RPAP3: variants seen among roughly 807,000 people sequenced by gnomAD.
The protein encoded by RPAP3 is RNA polymerase II-associated protein 3.
In RPAP3, 58 loss-of-function variants were observed where a neutral mutation model predicts 88.8. That is an observed-to-expected ratio of 0.65 (90% CI 0.53 to 0.81). RPAP3 has a LOEUF of 0.81. Ranked by LOEUF, RPAP3 falls within the 40% of genes least tolerant of loss-of-function variation. RPAP3 has a pLI of 0.00. For missense variants in RPAP3, 751 were observed against 764.3 expected (o/e 0.98, Z 0.20); for synonymous variants, 255 against 259.9 (o/e 0.98, Z 0.18).
rs576889119 is a variant in RPAP3 at position 47,683,748 on chromosome 12, C to T, written c.993-1931G>A. ...AAAAATAGAATAAAAATGGTGAGTGCGAAAAACTATCATCTCTGCCTAGCT... is the reference window on the plus strand; with the variant it reads ...AAAAATAGAATAAAAATGGTGAGTGTGAAAAACTATCATCTCTGCCTAGCT... On this transcript the variant is annotated intron_variant, in intron 9 of 16. Transcript: ENST00000005386. 7.9e-5 allele frequency among the ~76,000 whole-genome samples: 12 copies of T among 152,200 alleles called. No individual in the cohort carries two copies. In the East Asian group the frequency reaches 1.5e-3, roughly 20 times the overall value.
intron 16 of RPAP3, among the ~76,000 whole-genome samples, chr12:47,665,903 C>T (rs940645631): frequency 6.6e-6 from 1 of 152,142 alleles, no homozygotes; most frequent in Non-Finnish European, 1.5e-5. Context: ...GCTGGGATTA[C>T]AGGCATGAGC....
At chr12:47,683,075 C>A (rs1488434176) in intron 9 of RPAP3, among the ~76,000 whole-genome samples, 2 of 152,128 alleles carry the variant, frequency 1.3e-5, no homozygotes, top group Non-Finnish European at 2.9e-5. Context: ...CCTACTCCCA[C>A]GTCTTTGAAC....
At position 47,702,383 on chromosome 12, in the gene RPAP3, T is replaced by TA. The variant is rs1427174785; in HGVS notation, c.153+304dup. On this transcript the variant is annotated intron_variant, in intron 2 of 16. Coordinates refer to ENST00000005386, the MANE Select transcript of RPAP3 (RefSeq NM_024604.3). Reference sequence around the variant, plus strand: ...CAACATGATGAGACCCCGTCTCTACTAAAAAAAAAAAAATACAAAAAGTAG... The same window carrying TA: ...CAACATGATGAGACCCCGTCTCTACTAAAAAAAAAAAAAATACAAAAAGTAG... Among the ~76,000 whole-genome samples the TA allele has an allele frequency of 6.9e-3, 992 of 143,214 alleles. 6 individuals are homozygous for TA. The highest frequency in any genetic ancestry group is 0.017 in the African/African-American group (655 of 39,216). 94.0% of individuals were successfully genotyped at this position (143,214 alleles called of 152,430 possible).
intron 12 of RPAP3, 128 bp from the exon 13 acceptor site, chr12:47,670,473 T>C: frequency 6.5e-6 from 4 of 614,118 alleles, no homozygotes; most frequent in Non-Finnish European, 8.5e-6. Flanking sequence ...ATTTGGTGGC[T>C]AGACAGACTT....
chr12:47,662,247 A>G lies in RPAP3; in HGVS notation c.*1258T>C, dbSNP rs1938774891. 1 of 152,246 alleles carries G rather than the reference A, an allele frequency of 6.6e-6. No individual in the cohort carries two copies. The highest frequency in any genetic ancestry group is 1.5e-5 in the Non-Finnish European group (1 of 68,052). 9.4% of individuals were successfully genotyped at this position (152,246 alleles called of 1,614,324 possible). The stretch of plus-strand genomic sequence containing the variant: ...TAAACATTCAGATCATAGCAGATAA[A>G]AAGCTAAATTCAATTGCCTGTTTAT... On this transcript the variant is annotated 3_prime_UTR_variant, in exon 17 of 17. Transcript: ENST00000005386.
Position 47,670,129 on chromosome 12 carries a change from C to T in RPAP3, c.1504G>A (p.Val502Ile). Residue 502 changes from valine to isoleucine, a missense_variant, in exon 13 of 17, where the codon GTC becomes ATC. By Grantham distance (29) the Val-to-Ile change is conservative. Transcript: ENST00000005386. The stretch of plus-strand genomic sequence containing the variant: ...CACTGCAGGGATGAAGTATCACTGA[C>T]TTCTTCTATTTTCAATACTTTTGCT... ...PRAKVLKIEE[V>I]SDTSSLQPQA... The T allele has an allele frequency of 6.2e-7, 1 of 1,607,196 alleles. No homozygotes were observed. The highest frequency in any genetic ancestry group is 8.5e-7 in the Non-Finnish European group (1 of 1,173,826).
In RPAP3 at chr12:47,688,054, T is replaced by C. The variant is rs186631544; in HGVS notation, c.739-53A>G. ...AAAACAAAGTAATGCAAGATGCATATATATTTGACCTTAAAACATAAATAC... is the reference window on the plus strand; with the variant it reads ...AAAACAAAGTAATGCAAGATGCATACATATTTGACCTTAAAACATAAATAC... On this transcript the variant is annotated intron_variant, in intron 7 of 16. Coordinates refer to ENST00000005386, the MANE Select transcript of RPAP3 (RefSeq NM_024604.3). 1.8e-3 allele frequency: 2,732 copies of C among 1,483,546 alleles called. 5 individuals carry two copies. The highest frequency in any genetic ancestry group is 2.3e-3 in the Non-Finnish European group (2,527 of 1,108,580). The allele number at this position is 1,483,546 out of a possible 1,614,324, so 91.9% of individuals were successfully genotyped here. A position where few individuals can be genotyped will look rare whatever the true frequency, so the allele number is the denominator to read the frequency against.
intron 12 of RPAP3, among the ~76,000 whole-genome samples, chr12:47,671,973 T>C (rs886161904): frequency 1.1e-4 from 17 of 151,692 alleles, no homozygotes; most frequent in African/African-American, 3.9e-4. Flanking sequence ...TTTTATTTAG[T>C]TGTATATTGT....
intron 16 of RPAP3, chr12:47,664,921 A>C (rs995712516): frequency 6.6e-6 from 1 of 152,204 alleles, no homozygotes; most frequent in African/African-American, 2.4e-5. Flanking sequence ...GAAATAAAGC[A>C]GGGTAAGAAG....
chr12:47,703,256 T>A (rs1312018274), intron 1 of RPAP3, among the ~76,000 whole-genome samples: 1 of 152,136 alleles, frequency 6.6e-6, no homozygotes, highest in Non-Finnish European at 1.5e-5. Flanking sequence ...CAAGACAAGG[T>A]CCCTTGTGCA....
At chr12:47,668,839 C>T (rs1048161119) in intron 14 of RPAP3, 77 bp downstream of exon 14, 20 of 1,093,312 alleles carry the variant, frequency 1.8e-5, no homozygotes, top group Admixed American at 7.5e-5. Flanking sequence ...AAAGCAAATA[C>T]GGCACCATTA....
chr12:47,681,546 T>C, intron 10 of RPAP3, 150 bp downstream of exon 10: 1 of 790,134 alleles, frequency 1.3e-6, no homozygotes, highest in South Asian at 2.0e-5. Flanking sequence ...GCTGCATTCC[T>C]CCAAATCTAT....
chr12:47,679,800 A>T, intron 10 of RPAP3, 26 bp from the exon 11 acceptor site: 3 of 1,465,002 alleles, frequency 2.0e-6, no homozygotes, highest in Non-Finnish European at 2.8e-6. Context: ...TAAAAACATT[A>T]CAACATAGTT....
At chr12:47,673,504 T>C (rs1214842839) in intron 12 of RPAP3, among the ~76,000 whole-genome samples, 1 of 148,960 alleles carries the variant, frequency 6.7e-6, no homozygotes, top group Admixed American at 6.7e-5. Flanking sequence ...TGGAAAAGTA[T>C]TAAACTAAGA....
At chr12:47,667,709 C>T in intron 15 of RPAP3, 45 bp downstream of exon 15, 2 of 1,063,062 alleles carry the variant, frequency 1.9e-6, no homozygotes, top group Non-Finnish European at 2.8e-6. Context: ...CTATCAATAA[C>T]ATTAAGTGAG....
At chr12:47,667,589 A>G (rs1172367510) in intron 15 of RPAP3, among the ~76,000 whole-genome samples, 165 bp downstream of exon 15, 2 of 152,196 alleles carry the variant, frequency 1.3e-5, no homozygotes. Flanking sequence ...ACTTTATGTA[A>G]AACGGCATAC....
intron 12 of RPAP3, among the ~76,000 whole-genome samples, chr12:47,677,712 G>A (rs1392211365): frequency 1.3e-5 from 2 of 151,974 alleles, no homozygotes; most frequent in South Asian, 2.1e-4. Context: ...TCTCTTCAAG[G>A]AGAACTACAA....
chr12:47,673,583 A>T (rs1048974778), intron 12 of RPAP3, among the ~76,000 whole-genome samples: 5 of 152,170 alleles, frequency 3.3e-5, no homozygotes, highest in African/African-American at 1.2e-4. Flanking sequence ...CTTTATAAAA[A>T]GAGGATAAAA....
chr12:47,698,576 T>C (rs974840712), intron 3 of RPAP3, among the ~76,000 whole-genome samples: 1 of 152,196 alleles, frequency 6.6e-6, no homozygotes, highest in African/African-American at 2.4e-5. Context: ...TGCAGTAGTG[T>C]GATGTCAGCT....
Sources: allele counts gnomAD v4.1 joint callset (sites outside exome capture counted in the v4.1 genomes callset), GRCh38; gene constraint gnomAD v4.1.1; transcripts MANE v1.5; gene names NCBI Gene and HGNC (gene_info 2026-07-23, HGNC 2026-07-21).